FKBP1C: variants seen among roughly 807,000 people sequenced by gnomAD.
The protein encoded by FKBP1C is peptidyl-prolyl cis-trans isomerase FKBP1C.
A neutral mutation model predicts 7.1 loss-of-function variants in FKBP1C; 7 were observed. The observed-to-expected ratio is 0.99, with a 90% confidence interval of 0.56 to 1.86. The LOEUF (loss-of-function observed/expected upper bound fraction) is 1.86. Among genes scored for constraint, FKBP1C ranks in the 40% most tolerant of loss-of-function variants. FKBP1C has a pLI of 0.00. For synonymous variants in FKBP1C, 56 were observed against 51.2 expected (o/e 1.09, Z -0.40); for missense variants, 159 against 139.9 (o/e 1.14, Z -0.69).
At chr6:63,213,025 A>AAATT, downstream of FKBP1C, 1 of 12,446 alleles carries the variant, frequency 8.0e-5, no homozygotes. Context: ...TTTTCTCAAA[A>AAATT]AATAAATAAA....
chr6:63,211,510 C>G, exon 1 of FKBP1C: 1 of 748,984 alleles, frequency 1.3e-6, no homozygotes, highest in Non-Finnish European at 2.3e-6. Flanking sequence ...CGCTGTCGGT[C>G]CACGCCGCCC....
exon 1 of FKBP1C, chr6:63,211,525 C>T (rs1222485729): frequency 1.1e-5 from 10 of 919,186 alleles, no homozygotes; most frequent in South Asian, 5.7e-5. Flanking sequence ...CCGCCCGTCG[C>T]GCTGCCCGCC....
At position 63,211,779 on chromosome 6, in the gene FKBP1C, C is replaced by A. The variant is rs747690429; in HGVS notation, c.223C>A (p.Leu75Met). Residue 75 changes from leucine to methionine, a missense_variant, in exon 1 of 1, where the codon CTG becomes ATG. Physicochemically the swap from Leu to Met is conservative, Grantham distance 15 (BLOSUM62 2). Transcript: ENST00000370659. ...GATGAGTGTGGGTCAGAGAGCCAAA[C>A]TGACTATATCTCCAGATTATGCCTA... 3 of 1,613,958 alleles carry A rather than the reference C, an allele frequency of 1.9e-6. No homozygotes were observed. In the South Asian group the frequency reaches 3.3e-5, roughly 18 times the overall value.
exon 1 of FKBP1C, chr6:63,211,783 C>T (rs1409279622): frequency 1.2e-6 from 2 of 1,613,792 alleles, no homozygotes; most frequent in Admixed American, 3.3e-5. Context: ...GCCAAACTGA[C>T]TATATCTCCA....
At chr6:63,212,678 C>T (rs1219637022) in exon 1 of FKBP1C, 1 of 166,522 alleles carries the variant, frequency 6.0e-6, no homozygotes, top group East Asian at 1.9e-4. Flanking sequence ...CCAAGCTCCA[C>T]CACTTCCTAA....
chr6:63,211,696 T>G, exon 1 of FKBP1C: 1 of 1,614,004 alleles, frequency 6.2e-7, no homozygotes, highest in Non-Finnish European at 8.5e-7. Flanking sequence ...AACAAGCCCT[T>G]TAAGTTTATG....
At chr6:63,212,113 A>G (rs913268781) in exon 1 of FKBP1C, 16 of 614,764 alleles carry the variant, frequency 2.6e-5, no homozygotes, top group Admixed American at 1.8e-4. Flanking sequence ...ACTATATGCC[A>G]TAAACGTCAA....
chr6:63,211,543 C>T (rs756966325), exon 1 of FKBP1C: 3 of 1,136,174 alleles, frequency 2.6e-6, no homozygotes, highest in South Asian at 2.6e-5. Context: ...GCCCGCTCGG[C>T]GTCGGCCGCC....
rs1462133713 is a variant in FKBP1C, at chr6:63,211,677, C to A, written c.121C>A (p.Arg41=). Residue 41 remains arginine, a synonymous_variant, in exon 1 of 1, where the codon CGG becomes AGG. Transcript: ENST00000370659. ...AGATGGAAAGAAATTTGATTCCTCC[C>A]GGGACAGAAACAAGCCCTTTAAGTT... 1.9e-6 allele frequency: 3 copies of A among 1,614,050 alleles called. No individual in the cohort carries two copies. In the South Asian group the frequency reaches 3.3e-5, roughly 18 times the overall value.
exon 1 of FKBP1C, chr6:63,212,930 G>A (rs1401713481): frequency 6.0e-6 from 1 of 166,674 alleles, no homozygotes; most frequent in East Asian, 1.9e-4. Context: ...GTGATTTGGT[G>A]AGAGGAATCG....
At chr6:63,211,679 G>T (rs1204655399) in exon 1 of FKBP1C, 1 of 1,614,098 alleles carries the variant, frequency 6.2e-7, no homozygotes, top group Non-Finnish European at 8.5e-7. Context: ...ATTCCTCCCG[G>T]GACAGAAACA....
chr6:63,212,219 A>C (rs1249268052), exon 1 of FKBP1C: 1 of 450,094 alleles, frequency 2.2e-6, no homozygotes, highest in Admixed American at 4.0e-5. Context: ...TGTTAACAGC[A>C]CAAGTGATAA....
exon 1 of FKBP1C, chr6:63,212,377 G>T (rs9361465): frequency 0.12 from 20,578 of 173,994 alleles, 1,646 homozygotes; most frequent in Admixed American, 0.23. Context: ...GTTGAGGACT[G>T]AATTATTCTC....
chr6:63,211,806 G>C (rs1228205283), exon 1 of FKBP1C: 6 of 1,613,686 alleles, frequency 3.7e-6, no homozygotes, highest in Non-Finnish European at 4.2e-6. Flanking sequence ...TTATGCCTAT[G>C]GTGCCACTGG....
At position 63,211,482 on chromosome 6, in the gene FKBP1C, G is replaced by A. The variant is rs996065155; in HGVS notation, c.-75G>A. On this transcript the variant is annotated 5_prime_UTR_variant, in exon 1 of 1. It adds an upstream start codon to the 5' untranslated region. Coordinates refer to ENST00000370659, the Ensembl canonical transcript of FKBP1C. ...ACGCGCTGAGGGACTAGGCAGAGCC[G>A]TGGAACCGCCGCCAGGTCGCTGTCG... 32 of 640,802 alleles carry A rather than the reference G, an allele frequency of 5.0e-5. No homozygotes were observed. The highest frequency in any genetic ancestry group is 4.2e-4 in the Middle Eastern group (1 of 2,400). 39.7% of individuals were successfully genotyped at this position (640,802 alleles called of 1,614,324 possible). A position where few individuals can be genotyped will look rare whatever the true frequency, so the allele number is the denominator to read the frequency against.
At chr6:63,212,849 C>T (rs1436317210) in exon 1 of FKBP1C, 1 of 166,712 alleles carries the variant, frequency 6.0e-6, no homozygotes, top group Non-Finnish European at 1.5e-5. Context: ...TGCTTGGCTC[C>T]CTCTGCTGAT....
At chr6:63,211,485 G>A (rs1581986347) in exon 1 of FKBP1C, 25 of 644,282 alleles carry the variant, frequency 3.9e-5, no homozygotes, top group South Asian at 2.9e-4. Flanking sequence ...CAGAGCCGTG[G>A]AACCGCCGCC....
At chr6:63,212,004 A>C in exon 1 of FKBP1C, 1 of 1,172,254 alleles carries the variant, frequency 8.5e-7, no homozygotes, top group Non-Finnish European at 1.3e-6. Flanking sequence ...TCCACTTTGT[A>C]TAGACATCTG....
chr6:63,212,096 T>G, exon 1 of FKBP1C: 1 of 630,268 alleles, frequency 1.6e-6, no homozygotes, highest in Non-Finnish European at 2.9e-6. Context: ...TATGTGCGTT[T>G]ACCTAAACTA....
Sources: allele counts gnomAD v4.1 joint callset, GRCh38; gene constraint gnomAD v4.1.1; transcripts MANE v1.5; gene names NCBI Gene and HGNC (gene_info 2026-07-23, HGNC 2026-07-21).